The following NCOA5 variants were observed in gnomAD, a reference collection of about 807,000 sequenced individuals.
The protein encoded by NCOA5 is NCoA-5.
NCOA5 carries 12 observed loss-of-function variants against 59.0 expected under a neutral mutation model. The observed-to-expected ratio is 0.20, with a 90% CI of 0.13 to 0.33. The LOEUF (loss-of-function observed/expected upper bound fraction) is 0.33. Among genes scored for constraint, NCOA5 ranks in the 10% least tolerant of loss-of-function variants. The probability of loss-of-function intolerance (pLI) is 1.00; values close to 1 mark genes in which losing one functional copy is unlikely to be tolerated. For missense variants in NCOA5, 655 were observed against 766.6 expected (o/e 0.85, Z 1.72); for synonymous variants, 270 against 275.5 (o/e 0.98, Z 0.20).
At chr20:46,072,321 A>T (rs1244698953) in intron 2 of NCOA5, among the ~76,000 whole-genome samples, 7 of 152,088 alleles carry the variant, frequency 4.6e-5, no homozygotes, top group Non-Finnish European at 1.0e-4. Flanking sequence ...GGTTTCCCAC[A>T]GTATGTATTT....
chr20:46,074,728 C>G (rs906790037), intron 2 of NCOA5, among the ~76,000 whole-genome samples: 2 of 152,178 alleles, frequency 1.3e-5, no homozygotes, highest in Non-Finnish European at 2.9e-5. Flanking sequence ...GTGTGCAGAG[C>G]ACCAGGCATG....
intron 1 of NCOA5, among the ~76,000 whole-genome samples, chr20:46,085,815 T>G (rs1013041479): frequency 1.3e-5 from 2 of 152,144 alleles, no homozygotes; most frequent in African/African-American, 2.4e-5. Context: ...TAAACTGAAC[T>G]ACCACAGAGT....
intron 2 of NCOA5, among the ~76,000 whole-genome samples, chr20:46,070,928 A>G (rs554229201): frequency 2.0e-5 from 3 of 152,298 alleles, no homozygotes; most frequent in East Asian, 1.9e-4. Flanking sequence ...CAATCTTATA[A>G]AAGTGATCAA....
chr20:46,081,455 A>G (rs956854192), intron 1 of NCOA5, among the ~76,000 whole-genome samples: 69 of 152,276 alleles, frequency 4.5e-4, no homozygotes, highest in African/African-American at 1.6e-3. Context: ...AGAATGAAGG[A>G]CATAAATATT....
At chr20:46,085,548 T>G (rs765132973) in intron 1 of NCOA5, among the ~76,000 whole-genome samples, 3 of 152,006 alleles carry the variant, frequency 2.0e-5, no homozygotes, top group Non-Finnish European at 2.9e-5. Flanking sequence ...AAATAACATT[T>G]AAACTGGGTC....
At chr20:46,088,180 TGTG>T (rs1228918080) in intron 1 of NCOA5, among the ~76,000 whole-genome samples, 1 of 152,176 alleles carries the variant, frequency 6.6e-6, no homozygotes, top group Non-Finnish European at 1.5e-5. Context: ...CCTTTAAACT[TGTG>T]GTGTTCACAG....
intron 2 of NCOA5, among the ~76,000 whole-genome samples, chr20:46,077,147 T>C (rs540151622): frequency 6.6e-6 from 1 of 152,158 alleles, no homozygotes; most frequent in East Asian, 1.9e-4. Context: ...TGAGCTCAAG[T>C]GATCCGCCCA....
intron 1 of NCOA5, among the ~76,000 whole-genome samples, chr20:46,080,900 C>A (rs6074013): frequency 6.6e-6 from 1 of 151,890 alleles, no homozygotes; most frequent in Non-Finnish European, 1.5e-5. Context: ...CAATTTACAA[C>A]TCTTAAAGTT....
At chr20:46,075,352 T>C (rs887227392) in intron 2 of NCOA5, among the ~76,000 whole-genome samples, 2 of 152,286 alleles carry the variant, frequency 1.3e-5, no homozygotes, top group South Asian at 4.1e-4. Context: ...AATTTCTTTG[T>C]GGCCCACCTA....
chr20:46,082,834 GA>G (rs1356517985), intron 1 of NCOA5, among the ~76,000 whole-genome samples: 1 of 152,082 alleles, frequency 6.6e-6, no homozygotes, highest in African/African-American at 2.4e-5. Context: ...GGAAATGGCA[GA>G]ACCATTATAA....
At chr20:46,086,851 A>G (rs558740604) in intron 1 of NCOA5, among the ~76,000 whole-genome samples, 2 of 152,300 alleles carry the variant, frequency 1.3e-5, no homozygotes, top group Non-Finnish European at 2.9e-5. Context: ...GGAGAAAGGC[A>G]TCATGATAAC....
At chr20:46,078,391 G>C (rs2084960117) in intron 2 of NCOA5, among the ~76,000 whole-genome samples, 1 of 152,230 alleles carries the variant, frequency 6.6e-6, no homozygotes, top group African/African-American at 2.4e-5. Flanking sequence ...TTCACAAGGT[G>C]ACCAGTGGAG....
chr20:46,074,878 G>A (rs543446686), intron 2 of NCOA5, among the ~76,000 whole-genome samples: 1 of 152,326 alleles, frequency 6.6e-6, no homozygotes, highest in South Asian at 2.1e-4. Context: ...GGTCAGGGAG[G>A]AAGACCCCTG....
chr20:46,070,058 A>G (rs1364462082), intron 3 of NCOA5, 152 bp downstream of exon 3: 3 of 641,482 alleles, frequency 4.7e-6, no homozygotes, highest in Non-Finnish European at 8.0e-6. Context: ...ACATTCAGCA[A>G]AATTTATTGA....
Position 46,067,152 on chromosome 20 carries a change from C to T in NCOA5, c.532G>A (p.Glu178Lys), listed in dbSNP as rs768117513. The part of the protein sequence containing the change: ...ERLKREERRR[E>K]ELYRQYFEEI... ...TCAAAATATTGACGATAAAGCTCTTCTCTACGCCGTTCCTCACGTTTCAAA... is the reference window on the plus strand; with the variant it reads ...TCAAAATATTGACGATAAAGCTCTTTTCTACGCCGTTCCTCACGTTTCAAA... Residue 178 changes from glutamate (E) to lysine (K), a missense_variant, in exon 5 of 8, where the codon GAA (glutamate) becomes AAA (lysine). Coordinates refer to ENST00000290231, the MANE Select transcript of NCOA5 (RefSeq NM_020967.3). 6.2e-7 allele frequency: 1 copy of T among 1,614,148 alleles called. No homozygotes were observed. The highest frequency in any genetic ancestry group is 8.5e-7 in the Non-Finnish European group (1 of 1,180,018).
intron 2 of NCOA5, among the ~76,000 whole-genome samples, chr20:46,074,931 C>A (rs1411224610): frequency 6.6e-6 from 1 of 152,240 alleles, no homozygotes; most frequent in Non-Finnish European, 1.5e-5. Flanking sequence ...CTCCTTTCTT[C>A]CTTTCTGTTC....
chr20:46,089,247 G>C (rs1030293349), intron 1 of NCOA5, among the ~76,000 whole-genome samples: 5 of 152,176 alleles, frequency 3.3e-5, no homozygotes, highest in Non-Finnish European at 7.3e-5. Context: ...CTGGGCCCGA[G>C]GTCCGCGCCT....
At chr20:46,066,947 G>T in intron 5 of NCOA5, 108 bp downstream of exon 5, 1 of 1,270,854 alleles carries the variant, frequency 7.9e-7, no homozygotes, top group Non-Finnish European at 1.1e-6. Flanking sequence ...ACAGCGCACA[G>T]CAATGCAAGA....
At chr20:46,073,995 A>T (rs1046931561) in intron 2 of NCOA5, among the ~76,000 whole-genome samples, 1 of 152,222 alleles carries the variant, frequency 6.6e-6, no homozygotes, top group African/African-American at 2.4e-5. Flanking sequence ...AAGAGGTGAT[A>T]TTCACAAAAG....
Sources: gnomAD v4.1 joint callset for allele counts (sites outside exome capture counted in the v4.1 genomes callset) on GRCh38, gnomAD v4.1.1 for gene constraint, MANE v1.5 for transcripts, NCBI Gene and HGNC (gene_info 2026-07-23, HGNC 2026-07-21) for gene names.